Variants in SPAG16 observed in about 807,000 individuals in gnomAD.
SPAG16 encodes sperm-associated antigen 16 protein.
In SPAG16, 86 loss-of-function variants were observed where a neutral mutation model predicts 80.4. The ratio of observed to expected loss-of-function variants is 1.07; its 90% CI spans 0.90 to 1.28. The LOEUF (loss-of-function observed/expected upper bound fraction) is 1.28. Ranked by LOEUF, SPAG16 falls within the 50% of genes most tolerant of loss-of-function variation. The pLI, the probability that SPAG16 is intolerant of heterozygous loss-of-function variation, is 0.00. For synonymous variants in SPAG16, 294 were observed against 265.9 expected (o/e 1.11, Z -1.03); for missense variants, 870 against 765.3 (o/e 1.14, Z -1.61).
intron 10 of SPAG16, among the ~76,000 whole-genome samples, chr2:213,738,562 C>T (rs1277362745): frequency 6.6e-6 from 1 of 152,110 alleles, no homozygotes; most frequent in Non-Finnish European, 1.5e-5. Context: ...AATGAGAAGT[C>T]ATGGCAAATA....
At chr2:213,521,687 T>C (rs1164953515) in intron 10 of SPAG16, among the ~76,000 whole-genome samples, 2 of 152,224 alleles carry the variant, frequency 1.3e-5, no homozygotes, top group African/African-American at 2.4e-5. Flanking sequence ...AGAAGGCCAA[T>C]GTCAATATCA....
chr2:213,523,157 G>A (rs2125855864), intron 10 of SPAG16, among the ~76,000 whole-genome samples: 1 of 152,264 alleles, frequency 6.6e-6, no homozygotes, highest in South Asian at 2.1e-4. Context: ...CATGGAGGCA[G>A]TAACCCTGAT....
intron 10 of SPAG16, among the ~76,000 whole-genome samples, chr2:213,611,197 G>A (rs1364755912): frequency 1.3e-5 from 2 of 152,118 alleles, no homozygotes; most frequent in Non-Finnish European, 2.9e-5. Flanking sequence ...ATAAATTTGT[G>A]TGCCATTTCT....
intron 15 of SPAG16, among the ~76,000 whole-genome samples, chr2:214,373,980 G>C (rs923595168): frequency 4.6e-5 from 7 of 152,138 alleles, no homozygotes; most frequent in Admixed American, 3.9e-4. Flanking sequence ...TTTTATCCCT[G>C]AGCTTGTCAG....
At chr2:214,111,443 A>G (rs2053658059) in intron 14 of SPAG16, among the ~76,000 whole-genome samples, 1 of 151,902 alleles carries the variant, frequency 6.6e-6, no homozygotes, top group Admixed American at 6.6e-5. Flanking sequence ...ATAGTTGTAG[A>G]TGTGTGTTGT....
intron 10 of SPAG16, among the ~76,000 whole-genome samples, chr2:213,497,298 T>C (rs1368187535): frequency 6.6e-6 from 1 of 152,136 alleles, no homozygotes; most frequent in Non-Finnish European, 1.5e-5. Context: ...ATAAATACAT[T>C]ATCTAATTAG....
rs1426754515 is a variant in SPAG16, at chr2:214,137,551, C to T, written c.1594-11589C>T. 2.6e-5 allele frequency among the ~76,000 whole-genome samples: 4 copies of T among 151,954 alleles called. No homozygotes were observed. In the South Asian group the frequency reaches 6.2e-4, roughly 24 times the overall value. ...TATCTTATTGACTATTTAATGTATC[C>T]TGATGGGGAAATATTTTCTATATTT... is the stretch of plus-strand genomic sequence containing the variant. On this transcript the variant is annotated intron_variant, in intron 14 of 15. Transcript: ENST00000331683.
intron 10 of SPAG16, among the ~76,000 whole-genome samples, chr2:213,847,501 A>G (rs933764937): frequency 1.3e-5 from 2 of 152,132 alleles, no homozygotes; most frequent in Non-Finnish European, 2.9e-5. Context: ...ACTTTGAAAC[A>G]ACCAGATCTC....
intron 15 of SPAG16, among the ~76,000 whole-genome samples, chr2:214,275,678 T>C (rs1301443505): frequency 6.6e-6 from 1 of 152,218 alleles, no homozygotes; most frequent in East Asian, 1.9e-4. Context: ...TGATTTCTGT[T>C]CTTTTACATT....
intron 11 of SPAG16, among the ~76,000 whole-genome samples, chr2:213,875,429 A>G (rs1201326561): frequency 6.6e-6 from 1 of 152,056 alleles, no homozygotes; most frequent in Non-Finnish European, 1.5e-5. Flanking sequence ...GCTAAATGAG[A>G]AGGTCAACAG....
At chr2:213,783,410 C>T (rs1264743999) in intron 10 of SPAG16, among the ~76,000 whole-genome samples, 1 of 148,222 alleles carries the variant, frequency 6.7e-6, no homozygotes, top group African/African-American at 2.5e-5. Flanking sequence ...ACAGTCAATA[C>T]ATTTTTGAAG....
intron 9 of SPAG16, among the ~76,000 whole-genome samples, chr2:213,428,496 G>T (rs906137101): frequency 6.6e-6 from 1 of 152,136 alleles, no homozygotes; most frequent in Admixed American, 6.6e-5. Context: ...GCAGACTTGG[G>T]CATTAAAGGA....
chr2:213,729,838 C>A (rs973116176), intron 10 of SPAG16, among the ~76,000 whole-genome samples: 4 of 152,160 alleles, frequency 2.6e-5, no homozygotes, highest in African/African-American at 7.2e-5. Flanking sequence ...TCTCTTTAGG[C>A]CTTGGTGAGA....
chr2:213,624,301 C>T (rs193182850), intron 10 of SPAG16, among the ~76,000 whole-genome samples: 1 of 152,020 alleles, frequency 6.6e-6, no homozygotes, highest in African/African-American at 2.4e-5. Context: ...ATTTAGGAGA[C>T]ACATTAATCT....
chr2:213,946,929 T>G (rs2079504068), intron 12 of SPAG16, among the ~76,000 whole-genome samples: 1 of 152,214 alleles, frequency 6.6e-6, no homozygotes, highest in African/African-American at 2.4e-5. Context: ...AAAATTATTA[T>G]ATTAATAGAA....
At chr2:213,854,273 T>C (rs2075051586) in intron 10 of SPAG16, among the ~76,000 whole-genome samples, 1 of 152,174 alleles carries the variant, frequency 6.6e-6, no homozygotes, top group Admixed American at 6.6e-5. Flanking sequence ...AAAGTATGAA[T>C]GATAGATGTT....
At chr2:214,175,446 C>G (rs1054535437) in intron 15 of SPAG16, among the ~76,000 whole-genome samples, 7 of 150,928 alleles carry the variant, frequency 4.6e-5, no homozygotes, top group African/African-American at 1.7e-4. Flanking sequence ...TGAGATGGCT[C>G]TAGCCACTTT....
intron 13 of SPAG16, among the ~76,000 whole-genome samples, chr2:214,062,510 T>C (rs1164346692): frequency 6.8e-6 from 1 of 147,754 alleles, no homozygotes; most frequent in African/African-American, 2.5e-5. Context: ...CATTTCCCAC[T>C]ACACAACCCA....
At chr2:213,643,257 A>T (rs2062672218) in intron 10 of SPAG16, among the ~76,000 whole-genome samples, 1 of 146,980 alleles carries the variant, frequency 6.8e-6, no homozygotes, top group African/African-American at 2.5e-5. Context: ...GTTTGTTTTT[A>T]TTCAGCACTC....
Sources: gnomAD v4.1 joint callset for allele counts (sites outside exome capture counted in the v4.1 genomes callset) on GRCh38, gnomAD v4.1.1 for gene constraint, MANE v1.5 for transcripts, NCBI Gene and HGNC (gene_info 2026-07-23, HGNC 2026-07-21) for gene names.